Variants in CROCC2 observed in about 807,000 individuals in gnomAD.
CROCC2 encodes ciliary rootlet coiled-coil protein 2.
In CROCC2, 163 loss-of-function variants were observed where a neutral mutation model predicts 177.6. The ratio of observed to expected loss-of-function variants is 0.92; its 90% CI spans 0.81 to 1.05. CROCC2 has a LOEUF of 1.05. Among genes scored for constraint, CROCC2 ranks in the 50% least tolerant of loss-of-function variants. The probability of loss-of-function intolerance (pLI) is 0.00; values close to 1 mark genes in which losing one functional copy is unlikely to be tolerated. For missense variants in CROCC2, 1,929 were observed against 1,797.8 expected, an observed-to-expected ratio of 1.07 and a Z score of -1.32; for synonymous variants, 904 against 787.3, an observed-to-expected ratio of 1.15 and a Z score of -2.48.
Position 240,965,361 on chromosome 2 carries a change from G to C in CROCC2, c.3466-20G>C. Reference sequence around the variant, plus strand: ...AGCACAGAGACCAGTGACCCTGTCCGTGCGGCCCCACGCTCCCAGGTGAGG... The same window carrying C: ...AGCACAGAGACCAGTGACCCTGTCCCTGCGGCCCCACGCTCCCAGGTGAGG... On this transcript the variant is annotated intron_variant, in intron 22 of 31. Transcript: ENST00000690015. 1 of 1,548,754 alleles carries C rather than the reference G, an allele frequency of 6.5e-7. No individual in the cohort carries two copies. The highest frequency in any genetic ancestry group is 8.7e-7 in the Non-Finnish European group (1 of 1,146,634).
chr2:240,938,386 T>C (rs1259094581), intron 14 of CROCC2, among the ~76,000 whole-genome samples: 1 of 152,244 alleles, frequency 6.6e-6, no homozygotes, highest in Non-Finnish European at 1.5e-5. Context: ...AAACGGATCA[T>C]ATATGTGGGA....
chr2:240,968,053 C>T, intron 26 of CROCC2, 76 bp from the exon 27 acceptor site: 1 of 1,338,056 alleles, frequency 7.5e-7, no homozygotes. Flanking sequence ...CACTCAAGTC[C>T]ACAGAGCCCT....
intron 7 of CROCC2, among the ~76,000 whole-genome samples, chr2:240,931,382 G>A (rs992743022): frequency 5.3e-5 from 8 of 152,226 alleles, no homozygotes; most frequent in African/African-American, 1.7e-4. Context: ...GAACTCACTG[G>A]GACTGCGTCC....
chr2:240,932,082 G>A (rs1167564322), intron 7 of CROCC2, among the ~76,000 whole-genome samples: 1 of 152,264 alleles, frequency 6.6e-6, no homozygotes, highest in Non-Finnish European at 1.5e-5. Context: ...TGCATCTGAG[G>A]CTGGAGAGCT....
chr2:240,931,207 G>A (rs2059429160), intron 7 of CROCC2, 79 bp downstream of exon 7: 2 of 634,976 alleles, frequency 3.1e-6, no homozygotes, highest in Non-Finnish European at 5.7e-6. Flanking sequence ...AGCAGCTGTG[G>A]ATCCCAGATG....
rs765654807 is a variant in CROCC2, at chr2:240,964,585, G to C, written c.3425G>C (p.Gly1142Ala). 6.1e-5 allele frequency: 94 copies of C among 1,548,134 alleles called. No homozygotes were observed. The highest frequency in any genetic ancestry group is 3.7e-4 in the Middle Eastern group (2 of 5,392). The change falls in exon 22 of 32, where the codon GGG becomes GCG. Residue 1142 changes from glycine to alanine, a missense_variant. Physicochemically the swap from Gly to Ala is moderately conservative, Grantham distance 60. Transcript: ENST00000690015. ...CACCTGTGGGAGCTGGAGCAGGCAGGGGGGGACGCCCGTCAGGAGCTCCGG... is the reference window on the plus strand; with the variant it reads ...CACCTGTGGGAGCTGGAGCAGGCAGCGGGGGACGCCCGTCAGGAGCTCCGG... Reference protein sequence around the residue: ...RAHLWELEQAGGDARQELREL... With the variant: ...RAHLWELEQAAGDARQELREL...
At chr2:240,965,598 CTG>C in intron 23 of CROCC2, 36 bp from the exon 24 acceptor site, 1 of 1,549,692 alleles carries the variant, frequency 6.5e-7, no homozygotes, top group Non-Finnish European at 8.7e-7. Context: ...CACTTCCTCA[CTG>C]TCTCCCACGG....
At chr2:240,935,105 T>G (rs1329778080) in intron 13 of CROCC2, 43 bp downstream of exon 13, 3 of 1,326,868 alleles carry the variant, frequency 2.3e-6, no homozygotes, top group Middle Eastern at 2.0e-4. Flanking sequence ...GGAACCTGTT[T>G]CCCAGGTGGC....
chr2:240,979,617 C>CTCATCCCTGCTCAGGT (rs2059785051), intron 27 of CROCC2, among the ~76,000 whole-genome samples: 1 of 76,196 alleles, frequency 1.3e-5, no homozygotes, highest in Non-Finnish European at 2.7e-5. Flanking sequence ...CCTGCTCAGG[C>CTCATCCCTGCTCAGGT]TCTGGGGTAG....
In CROCC2 at chr2:240,948,964, G is replaced by A. The variant is rs2059538077; in HGVS notation, c.2364-15G>A. On this transcript the variant is annotated splice_polypyrimidine_tract_variant and intron_variant, in intron 15 of 31. Coordinates refer to ENST00000690015, the MANE Select transcript of CROCC2 (RefSeq NM_001351305.2). Reference sequence around the variant, plus strand: ...CTTGGGGATGACTTGCCCATTGTTTGCTGCATCTTTGCAGGGTGGAGAGGG... The same window carrying A: ...CTTGGGGATGACTTGCCCATTGTTTACTGCATCTTTGCAGGGTGGAGAGGG... 1 of 1,550,180 alleles carries A rather than the reference G, an allele frequency of 6.5e-7. No homozygotes were observed. The highest frequency in any genetic ancestry group is 8.7e-7 in the Non-Finnish European group (1 of 1,146,866).
chr2:240,973,686 C>T lies in CROCC2; in HGVS notation c.4401+5424C>T, dbSNP rs939178277. 9.2e-5 allele frequency among the ~76,000 whole-genome samples: 14 copies of T among 152,298 alleles called. No homozygotes were observed. The highest frequency in any genetic ancestry group is 6.8e-3 in the Middle Eastern group (2 of 294). ...AGCTAGCAGAGCAGCTTAGGGCCAG[C>T]GGGGCCCACAAGGTGGACACTGAGC... is the stretch of plus-strand genomic sequence containing the variant. On this transcript the variant is annotated intron_variant, in intron 27 of 31. Transcript: ENST00000690015. The surrounding 1 kb of genome is among the most constrained non-coding windows in gnomAD (Gnocchi z 4.7).
intron 1 of CROCC2, among the ~76,000 whole-genome samples, chr2:240,911,813 C>T (rs768375865): frequency 6.6e-5 from 10 of 152,162 alleles, no homozygotes; most frequent in South Asian, 2.1e-4. Context: ...TTGTAGCAGG[C>T]GCCAGCATTT....
chr2:240,983,251 G>A (rs935503135), intron 28 of CROCC2: 2 of 901,948 alleles, frequency 2.2e-6, no homozygotes, highest in South Asian at 3.6e-5. Flanking sequence ...CAGGGAGTCA[G>A]GGGGCTGGAT....
intron 14 of CROCC2, among the ~76,000 whole-genome samples, chr2:240,937,974 G>T (rs1251276463): frequency 6.6e-6 from 1 of 152,202 alleles, no homozygotes; most frequent in Non-Finnish European, 1.5e-5. Flanking sequence ...CTTCCGCCAT[G>T]ATTGTAAGTT....
chr2:240,929,278 C>T (rs1203543125), intron 5 of CROCC2, among the ~76,000 whole-genome samples: 1 of 152,068 alleles, frequency 6.6e-6, no homozygotes, highest in African/African-American at 2.4e-5. Context: ...GGAGAACGGG[C>T]AGGATGTGAG....
rs997954529 is a variant in CROCC2 at position 240,949,018 on chromosome 2, C to T, written c.2403C>T (p.Ala801=). Residue 801 remains alanine (A), a synonymous_variant, in exon 16 of 32, where the codon GCC becomes GCT. Transcript: ENST00000690015. The surrounding 1 kb of genome is among the most constrained non-coding windows in gnomAD (Gnocchi z 4.5). The part of the protein sequence containing the change: ...RDSLESSLLE[A]QQLATKLQEQ... ...CCCTGGAGAGCAGCCTCCTTGAGGC[C>T]CAACAGCTGGCCACAAAGCTGCAGG... The T allele has an allele frequency of 1.9e-6, 3 of 1,550,094 alleles. No individual in the cohort carries two copies. Among genetic ancestry groups the T allele is most frequent in the Non-Finnish European group, 2.6e-6 (3 of 1,146,894 alleles).
At chr2:240,983,807 A>G in intron 28 of CROCC2, 1 of 344,836 alleles carries the variant, frequency 2.9e-6, no homozygotes, top group Non-Finnish European at 5.4e-6. Flanking sequence ...GTGGGGGCAA[A>G]TCCCCGGCTT....
At chr2:240,974,386 G>C (rs2106485119) in intron 27 of CROCC2, among the ~76,000 whole-genome samples, 1 of 148,620 alleles carries the variant, frequency 6.7e-6, no homozygotes, top group Non-Finnish European at 1.5e-5. Context: ...CTGTCACCCA[G>C]GCTAGAGTGC....
At chr2:240,955,049 G>A (rs779372791) in intron 18 of CROCC2, 5 of 151,962 alleles carry the variant, frequency 3.3e-5, no homozygotes, top group South Asian at 2.1e-4. Flanking sequence ...AGTCTATGCC[G>A]GCTCCTGGGC....
Sources: gnomAD v4.1 joint callset for allele counts (sites outside exome capture counted in the v4.1 genomes callset) on GRCh38, gnomAD v4.1.1 for gene constraint, Gnocchi (gnomAD v3.1) non-coding constraint, MANE v1.5 for transcripts, NCBI Gene and HGNC (gene_info 2026-07-23, HGNC 2026-07-21) for gene names.